Variants in VAV2 observed in about 807,000 individuals in gnomAD.
VAV2 encodes vav guanine nucleotide exchange factor 2.
A neutral mutation model predicts 132.5 loss-of-function variants in VAV2; 67 were observed. The ratio of observed to expected loss-of-function variants is 0.51; its 90% confidence interval spans 0.42 to 0.62. The LOEUF is 0.62. Ranked by LOEUF, VAV2 falls within the 20% of genes least tolerant of loss-of-function variation. The pLI, the probability that VAV2 is intolerant of heterozygous loss-of-function variation, is 0.00. For missense variants in VAV2, 938 were observed against 1,153.6 expected (o/e 0.81, Z 2.71); for synonymous variants, 492 against 443.5 (o/e 1.11, Z -1.37).
At chr9:133,796,669 C>T in intron 10 of VAV2, 145 bp from the exon 11 acceptor site, 3 of 678,162 alleles carry the variant, frequency 4.4e-6, no homozygotes, top group Non-Finnish European at 4.9e-6. Flanking sequence ...GCTCCCGGAA[C>T]CAGTCCATGC....
chr9:133,903,950 G>A (rs1220702078), intron 2 of VAV2, among the ~76,000 whole-genome samples: 1 of 152,216 alleles, frequency 6.6e-6, no homozygotes, highest in Non-Finnish European at 1.5e-5. Flanking sequence ...TGTTTTTAAA[G>A]ATGTAAACGA....
chr9:133,866,487 G>C (rs1837804775), intron 2 of VAV2, among the ~76,000 whole-genome samples: 1 of 152,068 alleles, frequency 6.6e-6, no homozygotes, highest in African/African-American at 2.4e-5. Flanking sequence ...TCAGTGTGGG[G>C]GCAACTGCGC....
At chr9:133,845,546 C>T (rs1034849717) in intron 3 of VAV2, among the ~76,000 whole-genome samples, 1 of 150,874 alleles carries the variant, frequency 6.6e-6, no homozygotes, top group Non-Finnish European at 1.5e-5. Context: ...CTTCCCCCTC[C>T]CTGCACTTCC....
At chr9:133,976,323 A>G (rs958024669) in intron 1 of VAV2, among the ~76,000 whole-genome samples, 2 of 152,174 alleles carry the variant, frequency 1.3e-5, no homozygotes, top group Non-Finnish European at 2.9e-5. Context: ...GGCGACAGTG[A>G]GATCCTGAGT....
intron 1 of VAV2, among the ~76,000 whole-genome samples, chr9:133,984,152 T>A (rs941156061): frequency 1.3e-5 from 2 of 152,118 alleles, no homozygotes; most frequent in African/African-American, 4.8e-5. Context: ...TTTGTATTTT[T>A]AGCAGATACG....
chr9:133,957,857 T>C (rs1304212625), intron 1 of VAV2, among the ~76,000 whole-genome samples: 1 of 151,874 alleles, frequency 6.6e-6, no homozygotes, highest in African/African-American at 2.4e-5. Flanking sequence ...TCCATTTTGT[T>C]ATGTACTAAG....
At chr9:133,951,173 C>A (rs1370435379) in intron 1 of VAV2, among the ~76,000 whole-genome samples, 3 of 152,244 alleles carry the variant, frequency 2.0e-5, no homozygotes, top group Admixed American at 6.5e-5. Context: ...CAAAGGCAGG[C>A]ACAGCCCTTG....
intron 1 of VAV2, among the ~76,000 whole-genome samples, chr9:133,980,307 C>T (rs951325254): frequency 6.6e-6 from 1 of 152,226 alleles, no homozygotes; most frequent in Non-Finnish European, 1.5e-5. Flanking sequence ...CAGACTGGCC[C>T]GTCACCTGTC....
Position 133,905,868 on chromosome 9 carries a change from C to T in VAV2, c.321+33235G>A, listed in dbSNP as rs1237895521. ...CCTGGGTAACGTGGCGAAACCCCATCTCTACAAAAAAAAATACAGAAATTA... is the reference window on the plus strand; with the variant it reads ...CCTGGGTAACGTGGCGAAACCCCATTTCTACAAAAAAAAATACAGAAATTA... On this transcript the variant is annotated intron_variant, in intron 2 of 29. Coordinates refer to ENST00000371850, the MANE Select transcript of VAV2 (RefSeq NM_001134398.2). Among the ~76,000 whole-genome samples, 6 of 109,636 alleles carry T rather than the reference C, an allele frequency of 5.5e-5. No individual in the cohort carries two copies. The East Asian group carries it at 2.2e-3, about 41-fold the overall frequency. The allele number at this position is 109,636 out of a possible 152,430, so 71.9% of individuals were successfully genotyped here.
intron 1 of VAV2, among the ~76,000 whole-genome samples, chr9:133,952,477 C>A (rs1841593061): frequency 1.3e-5 from 2 of 152,012 alleles, no homozygotes; most frequent in African/African-American, 4.8e-5. Flanking sequence ...GTGGCACGCA[C>A]CTGTAATCCC....
intron 1 of VAV2, among the ~76,000 whole-genome samples, chr9:133,988,514 A>C (rs1842923097): frequency 6.6e-6 from 1 of 152,172 alleles, no homozygotes; most frequent in South Asian, 2.1e-4. Context: ...ACCCCCACCT[A>C]GGCTTGTGCT....
At chr9:133,810,257 C>A in intron 5 of VAV2, 52 bp from the exon 6 acceptor site, 4 of 1,611,474 alleles carry the variant, frequency 2.5e-6, no homozygotes, top group Non-Finnish European at 3.4e-6. Flanking sequence ...AGGGCCCACA[C>A]TGTCCTGGCA....
At chr9:133,819,416 T>C (rs1297622612) in intron 4 of VAV2, among the ~76,000 whole-genome samples, 5 of 149,572 alleles carry the variant, frequency 3.3e-5, no homozygotes, top group African/African-American at 1.2e-4. Context: ...GTCACTGCAC[T>C]CCAGCCTGGG....
intron 23 of VAV2, among the ~76,000 whole-genome samples, chr9:133,776,757 C>A (rs535861481): frequency 6.6e-6 from 1 of 152,080 alleles, no homozygotes. Context: ...CACAGGCGGA[C>A]GGGACTGGGG....
intron 1 of VAV2, among the ~76,000 whole-genome samples, chr9:133,983,479 C>T (rs1329106759): frequency 6.6e-6 from 1 of 152,184 alleles, no homozygotes; most frequent in Non-Finnish European, 1.5e-5. Flanking sequence ...CATGAGTCCA[C>T]CGCCCTGAGG....
chr9:133,786,813 G>A (rs565327935), intron 16 of VAV2, among the ~76,000 whole-genome samples: 22 of 152,324 alleles, frequency 1.4e-4, no homozygotes, highest in Middle Eastern at 3.4e-3. Context: ...GAGCCTACTG[G>A]GTTAGAAAAG....
At chr9:133,848,572 C>A (rs747164385) in intron 3 of VAV2, among the ~76,000 whole-genome samples, 1 of 152,068 alleles carries the variant, frequency 6.6e-6, no homozygotes, top group Non-Finnish European at 1.5e-5. Flanking sequence ...CCAGCAAGGG[C>A]ACCAGATGGC....
chr9:133,885,811 C>T lies in VAV2; in HGVS notation c.322-24379G>A, dbSNP rs996717543. ...CGGCACAAACCCTTCACAAAGCACT[C>T]ACCCACTTACCCTTGGGCTGGAAGG... On this transcript the variant is annotated intron_variant, in intron 2 of 29. Transcript: ENST00000371850. This position sits in a 1 kb window ranked among gnomAD's most constrained non-coding sequence, Gnocchi z 5.0. 6.6e-6 allele frequency among the ~76,000 whole-genome samples: 1 copy of T among 152,188 alleles called. No homozygotes were observed. Among genetic ancestry groups the T allele is most frequent in the Non-Finnish European group, 1.5e-5 (1 of 68,034 alleles).
At chr9:133,781,297 G>A (rs959312486) in intron 19 of VAV2, among the ~76,000 whole-genome samples, 2 of 152,244 alleles carry the variant, frequency 1.3e-5, no homozygotes, top group Non-Finnish European at 2.9e-5. Flanking sequence ...GCCCTTTAGG[G>A]CCCAGCCATC....
Sources: allele counts gnomAD v4.1 joint callset (sites outside exome capture counted in the v4.1 genomes callset), GRCh38; gene constraint gnomAD v4.1.1; non-coding constraint Gnocchi (gnomAD v3.1); transcripts MANE v1.5; gene names NCBI Gene and HGNC (gene_info 2026-07-23, HGNC 2026-07-21).